PODN: variants seen among roughly 807,000 people sequenced by gnomAD.
The protein encoded by PODN is podocan, also known as podocan proteoglycan.
In PODN, 40 loss-of-function variants were observed where a neutral mutation model predicts 52.7. The observed-to-expected ratio is 0.76, with a 90% CI of 0.59 to 0.99. The LOEUF (loss-of-function observed/expected upper bound fraction) is 0.99, where lower values mean the gene tolerates loss of function less well. Ranked by LOEUF, PODN falls within the 50% of genes least tolerant of loss-of-function variation. PODN has a pLI of 0.00. For synonymous variants in PODN, 396 were observed against 377.9 expected (o/e 1.05, Z -0.56); for missense variants, 720 against 815.1 (o/e 0.88, Z 1.42).
intron 1 of PODN, among the ~76,000 whole-genome samples, chr1:53,063,814 C>T (rs924840253): frequency 1.3e-5 from 2 of 152,140 alleles, no homozygotes; most frequent in South Asian, 2.1e-4. Context: ...GTCATACATG[C>T]GAGTGCTGGC....
intron 2 of PODN, 135 bp downstream of exon 2, chr1:53,070,302 G>A (rs1644099170): frequency 1.5e-6 from 2 of 1,372,506 alleles, no homozygotes; most frequent in African/African-American, 1.5e-5. Flanking sequence ...CCCAACCACA[G>A]GGTGCTGGGG....
At chr1:53,070,676 C>T (rs899190286) in intron 2 of PODN, among the ~76,000 whole-genome samples, 4 of 152,352 alleles carry the variant, frequency 2.6e-5, no homozygotes, top group African/African-American at 7.2e-5. Flanking sequence ...CACCCATCCT[C>T]GCCTTGTGCG....
At chr1:53,066,972 G>A (rs1036911422) in intron 1 of PODN, 5 of 1,192,670 alleles carry the variant, frequency 4.2e-6, no homozygotes, top group Non-Finnish European at 4.8e-6. Flanking sequence ...CCACACTCTC[G>A]CTCTTAGAAC....
chr1:53,083,732 G>A (rs1316785538), intron 10 of PODN, among the ~76,000 whole-genome samples: 4 of 152,220 alleles, frequency 2.6e-5, no homozygotes, highest in Non-Finnish European at 5.9e-5. Context: ...GCAGGCATGG[G>A]TCCTGGGGTC....
At position 53,080,870 on chromosome 1, in the gene PODN, T is replaced by C. The variant is rs147003164; in HGVS notation, c.1655T>C (p.Phe552Ser). The C allele has an allele frequency of 1.2e-4, 199 of 1,613,774 alleles. No individual in the cohort carries two copies. The highest frequency in any genetic ancestry group is 1.6e-4 in the Non-Finnish European group (185 of 1,180,002). ...FDSTPNLKGIFLRFNKLAVGS... is the reference protein window; with the variant it reads ...FDSTPNLKGISLRFNKLAVGS... Reference sequence around the variant, plus strand: ...TCCACGCCCAACCTCAAGGGGATCTTTCTCAGGTAGGAGCCCACTCGCGGC... The same window carrying C: ...TCCACGCCCAACCTCAAGGGGATCTCTCTCAGGTAGGAGCCCACTCGCGGC... The change falls in exon 9 of 11, where the codon TTT (phenylalanine) becomes TCT (serine). Residue 552 changes from phenylalanine to serine, a missense_variant. Phe to Ser is a radical substitution (Grantham distance 155). Coordinates refer to ENST00000312553, the MANE Select transcript of PODN (RefSeq NM_153703.5).
chr1:53,075,854 C>T lies in PODN; in HGVS notation c.472-8C>T, dbSNP rs759558476. On this transcript the variant is annotated splice_polypyrimidine_tract_variant and splice_region_variant and intron_variant, in intron 4 of 10. Coordinates refer to ENST00000312553, the MANE Select transcript of PODN (RefSeq NM_153703.5). ...TTGCTCTTTCGGCCCCAACTCTTCC[C>T]TTCCCAGCTGACCTTGGCACCCCGC... The T allele has an allele frequency of 5.0e-6, 8 of 1,585,788 alleles. No homozygotes were observed. The highest frequency in any genetic ancestry group is 5.2e-6 in the Non-Finnish European group (6 of 1,163,182).
chr1:53,068,341 T>C (rs1340971261), intron 1 of PODN, among the ~76,000 whole-genome samples: 2 of 152,192 alleles, frequency 1.3e-5, no homozygotes, highest in African/African-American at 4.8e-5. Flanking sequence ...TTTATGGTCA[T>C]GGTTTCTGAT....
In PODN at chr1:53,078,715, C is replaced by T. The variant is rs1332644955; in HGVS notation, c.1205C>T (p.Thr402Ile). 1 of 1,613,456 alleles carries T rather than the reference C, an allele frequency of 6.2e-7. No individual in the cohort carries two copies. Among genetic ancestry groups the T allele is most frequent in the African/African-American group, 1.3e-5 (1 of 75,072 alleles). ...GGCATTGGCCGCGAAGACTTTGCCA[C>T]CACCTACTTCCTGGAGGAGCTCAAC... ...ITGIGREDFA[T>I]TYFLEELNLS... Residue 402 changes from threonine to isoleucine, a missense_variant, in exon 8 of 11, where the codon ACC (threonine) becomes ATC (isoleucine). Transcript: ENST00000312553.
intron 1 of PODN, among the ~76,000 whole-genome samples, chr1:53,068,028 C>T (rs1039557605): frequency 1.4e-4 from 21 of 149,044 alleles, no homozygotes; most frequent in Non-Finnish European, 2.4e-4. Flanking sequence ...GGGGTGCAGA[C>T]CATGCCCATG....
chr1:53,064,874 T>A (rs185960908), intron 1 of PODN, among the ~76,000 whole-genome samples: 1 of 152,322 alleles, frequency 6.6e-6, no homozygotes, highest in East Asian at 1.9e-4. Context: ...ACCCATGCCC[T>A]TCTGTCTCTA....
chr1:53,068,751 C>G (rs1644068909), intron 1 of PODN, among the ~76,000 whole-genome samples: 1 of 152,160 alleles, frequency 6.6e-6, no homozygotes, highest in African/African-American at 2.4e-5. Flanking sequence ...ATGTCTGAGT[C>G]CCTGTAAACA....
At chr1:53,075,089 C>T (rs1644175133) in intron 4 of PODN, among the ~76,000 whole-genome samples, 1 of 152,164 alleles carries the variant, frequency 6.6e-6, no homozygotes, top group Admixed American at 6.5e-5. Flanking sequence ...ATTTGGTGTG[C>T]TCCAGAGCTC....
In PODN at chr1:53,071,283, C is replaced by T. The variant is rs1033406721; in HGVS notation, c.313-252C>T. On this transcript the variant is annotated intron_variant, in intron 2 of 10. Coordinates refer to ENST00000312553, the MANE Select transcript of PODN (RefSeq NM_153703.5). Reference sequence around the variant, plus strand: ...GATAGCATGTCGAGTTTGAACTGCCCGTAGATGTCCATGTGTGGGCTCCCT... The same window carrying T: ...GATAGCATGTCGAGTTTGAACTGCCTGTAGATGTCCATGTGTGGGCTCCCT... 7.7e-5 allele frequency: 33 copies of T among 427,440 alleles called. No homozygotes were observed. The Middle Eastern group carries it at 1.6e-3, about 21-fold the overall frequency. The allele number at this position is 427,440 out of a possible 1,614,324, so 26.5% of individuals were successfully genotyped here. A position where few individuals can be genotyped will look rare whatever the true frequency, so the allele number is the denominator to read the frequency against.
At chr1:53,067,104 C>T (rs945100238) in intron 1 of PODN, among the ~76,000 whole-genome samples, 5 of 152,120 alleles carry the variant, frequency 3.3e-5, no homozygotes, top group African/African-American at 1.2e-4. Flanking sequence ...GCAGGGGCAG[C>T]AGGGGTGTGG....
At chr1:53,075,798 G>T (rs992564676) in intron 4 of PODN, 64 bp from the exon 5 acceptor site, 7 of 1,398,880 alleles carry the variant, frequency 5.0e-6, no homozygotes, top group African/African-American at 4.3e-5. Context: ...GCAGCAGGCA[G>T]TGGGACCCAC....
At chr1:53,063,037 T>C (rs1176285875) in intron 1 of PODN, among the ~76,000 whole-genome samples, 1 of 152,140 alleles carries the variant, frequency 6.6e-6, no homozygotes, top group African/African-American at 2.4e-5. Context: ...CGCGCCTTCC[T>C]GCGAATGAGG....
rs1644337958 is a variant in PODN at position 53,084,657 on chromosome 1, C to T, written c.*172C>T. 6.5e-6 allele frequency: 1 copy of T among 152,706 alleles called. No individual in the cohort carries two copies. The highest frequency in any genetic ancestry group is 6.5e-5 in the Admixed American group (1 of 15,276). 9.5% of individuals were successfully genotyped at this position (152,706 alleles called of 1,614,324 possible). A position where few individuals can be genotyped will look rare whatever the true frequency, so the allele number is the denominator to read the frequency against. ...CTGACACAGTCTCATATCCCCACCC[C>T]TTCCCACGGCGTGTCCCACGGCCAG... is the stretch of plus-strand genomic sequence containing the variant. On this transcript the variant is annotated 3_prime_UTR_variant, in exon 11 of 11. Transcript: ENST00000312553.
intron 8 of PODN, among the ~76,000 whole-genome samples, chr1:53,079,353 GA>G (rs1644250500): frequency 6.6e-6 from 1 of 152,218 alleles, no homozygotes; most frequent in South Asian, 2.1e-4. Context: ...ACAGGTTTGA[GA>G]AGGGCTGTGG....
At chr1:53,074,736 C>T in intron 4 of PODN, 66 bp downstream of exon 4, 4 of 1,550,492 alleles carry the variant, frequency 2.6e-6, no homozygotes, top group Non-Finnish European at 3.5e-6. Context: ...TCCCTGAGTT[C>T]CATGAACTTT....
Sources: gnomAD v4.1 joint callset for allele counts (sites outside exome capture counted in the v4.1 genomes callset) on GRCh38, gnomAD v4.1.1 for gene constraint, MANE v1.5 for transcripts, NCBI Gene and HGNC (gene_info 2026-07-23, HGNC 2026-07-21) for gene names.